The following RBFOX1 variants were observed in gnomAD, a reference collection of about 807,000 sequenced individuals.
RBFOX1 encodes the protein RNA binding fox-1 homolog 1.
A neutral mutation model predicts 57.7 loss-of-function variants in RBFOX1; 8 were observed. That is an observed-to-expected ratio of 0.14 (90% CI 0.08 to 0.25). RBFOX1 has a LOEUF of 0.25. Ranked by LOEUF, RBFOX1 falls within the 10% of genes least tolerant of loss-of-function variation. RBFOX1 has a pLI of 1.00. For synonymous variants in RBFOX1, 326 were observed against 222.4 expected, an observed-to-expected ratio of 1.47 and a Z score of -4.15; for missense variants, 611 against 548.5, an observed-to-expected ratio of 1.11 and a Z score of -1.14.
chr16:7,485,996 C>T (rs1260678536), intron 4 of RBFOX1, among the ~76,000 whole-genome samples: 1 of 152,132 alleles, frequency 6.6e-6, no homozygotes, highest in Non-Finnish European at 1.5e-5. Context: ...CCCCATAGAG[C>T]TGAAAGTGTT....
intron 2 of RBFOX1, among the ~76,000 whole-genome samples, chr16:5,529,540 G>T (rs2044378200): frequency 6.6e-6 from 1 of 151,322 alleles, no homozygotes; most frequent in African/African-American, 2.4e-5. Context: ...GGGACTACAG[G>T]CGTGCACCAC....
intron 1 of RBFOX1, among the ~76,000 whole-genome samples, chr16:6,187,026 T>C (rs995978738): frequency 1.3e-5 from 2 of 152,200 alleles, no homozygotes; most frequent in Admixed American, 6.5e-5. Flanking sequence ...TGTTGAACTG[T>C]AATGATTTGA....
intron 4 of RBFOX1, among the ~76,000 whole-genome samples, chr16:7,167,252 C>CT (rs2079760482): frequency 6.6e-6 from 1 of 151,758 alleles, no homozygotes; most frequent in Non-Finnish European, 1.5e-5. Flanking sequence ...TACCAAAGTG[C>CT]TGGGATTACA....
rs114316630 is a variant in RBFOX1, at chr16:7,196,555, C to G, written c.27+144457C>G. Among the ~76,000 whole-genome samples the G allele has an allele frequency of 6.3e-3, 961 of 152,328 alleles. 16 individuals are homozygous for G. The highest frequency in any genetic ancestry group is 0.022 in the African/African-American group (917 of 41,568). On this transcript the variant is annotated intron_variant, in intron 4 of 15. Coordinates refer to ENST00000550418, the MANE Select transcript of RBFOX1 (RefSeq NM_018723.4). The stretch of plus-strand genomic sequence containing the variant: ...GCTCTTTAAATGCACAAACCCACTT[C>G]ACCCTGACAACAATCCTGAGCCATG...
At chr16:6,510,616 G>T (rs901686202) in intron 2 of RBFOX1, among the ~76,000 whole-genome samples, 1 of 152,192 alleles carries the variant, frequency 6.6e-6, no homozygotes, top group African/African-American at 2.4e-5. Context: ...TATGCCTCCA[G>T]AGGCTCCCTA....
intron 3 of RBFOX1, among the ~76,000 whole-genome samples, chr16:6,890,405 G>A (rs1365725076): frequency 1.3e-5 from 2 of 152,202 alleles, no homozygotes; most frequent in African/African-American, 2.4e-5. Context: ...TGTAGTCCCA[G>A]CCACTTGGAA....
chr16:6,574,424 A>ATTTTTTTTTT (rs34505014), intron 2 of RBFOX1, among the ~76,000 whole-genome samples: 1 of 89,942 alleles, frequency 1.1e-5, no homozygotes, highest in Non-Finnish European at 2.1e-5. Context: ...CGTATCTTCT[A>ATTTTTTTTTT]TTTTTTTTTT....
At chr16:5,853,494 G>A (rs1314895966) in intron 3 of RBFOX1, among the ~76,000 whole-genome samples, 2 of 152,146 alleles carry the variant, frequency 1.3e-5, no homozygotes, top group South Asian at 2.1e-4. Context: ...TAATCTAATC[G>A]CTGGACCATC....
intron 6 of RBFOX1, among the ~76,000 whole-genome samples, chr16:7,581,105 T>C (rs1049902979): frequency 2.0e-5 from 3 of 152,172 alleles, no homozygotes; most frequent in African/African-American, 7.2e-5. Context: ...ACGTGATGCT[T>C]ATCAAGTATG....
intron 4 of RBFOX1, among the ~76,000 whole-genome samples, chr16:7,469,269 G>A (rs747950482): frequency 3.3e-5 from 5 of 151,550 alleles, no homozygotes; most frequent in East Asian, 3.9e-4. Flanking sequence ...TCACCATGTC[G>A]GTCAGGCTGG....
intron 2 of RBFOX1, among the ~76,000 whole-genome samples, chr16:5,581,865 T>C (rs556367121): frequency 6.1e-4 from 93 of 152,232 alleles, no homozygotes; most frequent in African/African-American, 2.1e-3. Flanking sequence ...AAGAGAGGCC[T>C]CTGAGAGGTA....
chr16:7,368,779 C>CA (rs5815399), intron 4 of RBFOX1, among the ~76,000 whole-genome samples: 1 of 127,294 alleles, frequency 7.9e-6, no homozygotes, highest in African/African-American at 2.9e-5. Flanking sequence ...GACTCTGTCT[C>CA]AAAAAAAAAA....
chr16:6,839,725 T>A (rs1160715565), intron 3 of RBFOX1, among the ~76,000 whole-genome samples: 2 of 152,220 alleles, frequency 1.3e-5, no homozygotes, highest in African/African-American at 4.8e-5. Flanking sequence ...ATTCTTCTTG[T>A]AATATGCAAA....
intron 4 of RBFOX1, among the ~76,000 whole-genome samples, chr16:7,079,607 A>G (rs114465019): frequency 0.018 from 2,812 of 152,314 alleles, 99 homozygotes; most frequent in African/African-American, 0.063. Flanking sequence ...GCCATATTGA[A>G]TAAGTACCTC....
chr16:5,515,713 C>A (rs567359097), intron 2 of RBFOX1, among the ~76,000 whole-genome samples: 1 of 152,302 alleles, frequency 6.6e-6, no homozygotes, highest in South Asian at 2.1e-4. Flanking sequence ...GGAAATATGG[C>A]AAGTTCTGCT....
chr16:6,658,258 A>C lies in RBFOX1; in HGVS notation c.-16+3608A>C, dbSNP rs574658710. On this transcript the variant is annotated intron_variant, in intron 3 of 15. Transcript: ENST00000550418. ...AGAGCCTTCATTTTTTTTTTTTTTT[A>C]ACAGTCTCCCTCTGTCTCAAATCTG... 3.5e-5 allele frequency among the ~76,000 whole-genome samples: 5 copies of C among 144,524 alleles called. No individual in the cohort carries two copies. The East Asian group carries it at 9.9e-4, about 28-fold the overall frequency. The allele number at this position is 144,524 out of a possible 152,430, so 94.8% of individuals were successfully genotyped here. A position where few individuals can be genotyped will look rare whatever the true frequency, so the allele number is the denominator to read the frequency against.
intron 4 of RBFOX1, among the ~76,000 whole-genome samples, chr16:5,950,987 C>G (rs1223124442): frequency 1.3e-5 from 2 of 152,090 alleles, no homozygotes; most frequent in Non-Finnish European, 2.9e-5. Flanking sequence ...GACTTCTCAC[C>G]TCAAGTGTAA....
Position 5,504,332 on chromosome 16 carries a change from C to T in RBFOX1, c.258+37078C>T, listed in dbSNP as rs1400914888. Among the ~76,000 whole-genome samples the T allele has an allele frequency of 3.3e-5, 5 of 152,344 alleles. No homozygotes were observed. The South Asian group carries it at 1.0e-3, about 32-fold the overall frequency. ...CAGGGCCTGCCAGGAGCCTGCTGGGCCTCGGACTTGGCTCTGCAACGCTTG... is the reference window on the plus strand; with the variant it reads ...CAGGGCCTGCCAGGAGCCTGCTGGGTCTCGGACTTGGCTCTGCAACGCTTG... On this transcript the variant is annotated intron_variant, in intron 2 of 2. Coordinates refer to the RBFOX1 transcript ENST00000585867.
chr16:5,968,651 T>C (rs1266413178), intron 4 of RBFOX1, among the ~76,000 whole-genome samples: 1 of 152,222 alleles, frequency 6.6e-6, no homozygotes, highest in Non-Finnish European at 1.5e-5. Context: ...TCTAGTAATT[T>C]GCAATCCTAT....
Sources: gnomAD v4.1 joint callset for allele counts (sites outside exome capture counted in the v4.1 genomes callset) on GRCh38, gnomAD v4.1.1 for gene constraint, MANE v1.5 for transcripts, NCBI Gene and HGNC (gene_info 2026-07-23, HGNC 2026-07-21) for gene names.